The following DOCK7 variants were observed in gnomAD, a reference collection of about 807,000 sequenced individuals.
DOCK7 encodes dedicator of cytokinesis 7, also known as dedicator of cytokinesis protein 7.
A neutral mutation model predicts 271.0 loss-of-function variants in DOCK7; 138 were observed. The ratio of observed to expected loss-of-function variants is 0.51; its 90% CI spans 0.44 to 0.59. DOCK7 has a LOEUF of 0.59. Among genes scored for constraint, DOCK7 ranks in the 20% least tolerant of loss-of-function variants. DOCK7 has a pLI of 0.00. For missense variants in DOCK7, 2,066 were observed against 2,592.4 expected (o/e 0.80, Z 4.41); for synonymous variants, 823 against 876.1 (o/e 0.94, Z 1.07).
chr1:62,634,899 G>T lies in DOCK7; in HGVS notation c.909C>A (p.Asp303Glu). Residue 303 changes from aspartate (D) to glutamate (E), a missense_variant, in exon 9 of 50, where the codon GAC becomes GAA. Asp to Glu is a conservative substitution (Grantham distance 45). Coordinates refer to ENST00000635253, the MANE Select transcript of DOCK7 (RefSeq NM_001367561.1). Reference sequence around the variant, plus strand: ...ACCCTTTCATCTGCTCAGAATTAAGGTCAAAATAAAAGTTTTCTGAAATCT... The same window carrying T: ...ACCCTTTCATCTGCTCAGAATTAAGTTCAAAATAAAAGTTTTCTGAAATCT... ...KKKISENFYF[D>E]LNSEQMKGLL... The T allele has an allele frequency of 6.2e-7, 1 of 1,605,328 alleles. No individual in the cohort carries two copies. The highest frequency in any genetic ancestry group is 8.5e-7 in the Non-Finnish European group (1 of 1,175,124).
chr1:62,459,019 G>T (rs1316263415), intron 48 of DOCK7: 3 of 151,952 alleles, frequency 2.0e-5, no homozygotes, highest in Admixed American at 2.0e-4. Context: ...TATATTAGAA[G>T]GCTAAAACTG....
rs748406271 is a variant in DOCK7 at position 62,586,512 on chromosome 1, T to C, written c.1795A>G (p.Met599Val). ...AGTAAAAGAACATTTCTTACCGGCA[T>C]GGCATTGCTTGGATCCTCTCCATAC... ...FMYGEDPSNA[M>V]PVIFGKSSCS... is the part of the protein sequence containing the mutation. The change falls in exon 15 of 50, where the codon ATG (methionine) becomes GTG (valine). Residue 599 changes from methionine (M) to valine (V), a missense_variant. Met to Val is a conservative substitution (Grantham distance 21). Transcript: ENST00000635253. 1 of 1,593,736 alleles carries C rather than the reference T, an allele frequency of 6.3e-7. No homozygotes were observed. The highest frequency in any genetic ancestry group is 2.2e-5 in the East Asian group (1 of 44,674).
intron 43 of DOCK7, chr1:62,479,735 A>G: frequency 2.6e-6 from 1 of 386,314 alleles, no homozygotes. Flanking sequence ...CCAGACTGGA[A>G]TACAGTGGTG....
intron 1 of DOCK7, among the ~76,000 whole-genome samples, chr1:62,683,732 C>T (rs980244423): frequency 4.0e-5 from 6 of 151,892 alleles, no homozygotes; most frequent in Non-Finnish European, 7.4e-5. Flanking sequence ...CCCCGGAGTT[C>T]GAGACCAGCC....
At chr1:62,494,667 G>GC (rs1467723884) in intron 39 of DOCK7, 200 bp from the exon 40 acceptor site, 15 of 383,130 alleles carry the variant, frequency 3.9e-5, no homozygotes, top group Middle Eastern at 6.8e-4. Flanking sequence ...CAGTTGGTGG[G>GC]GGGGGCAGGA....
At chr1:62,465,470 A>C in intron 48 of DOCK7, among the ~76,000 whole-genome samples, 1 of 80,678 alleles carries the variant, frequency 1.2e-5, no homozygotes, top group Non-Finnish European at 2.4e-5. Flanking sequence ...AATCCAGTGT[A>C]AAGAACACTG....
At chr1:62,525,722 A>G (rs1644987136) in intron 31 of DOCK7, among the ~76,000 whole-genome samples, 1 of 152,106 alleles carries the variant, frequency 6.6e-6, no homozygotes, top group Non-Finnish European at 1.5e-5. Context: ...CATGCACTTT[A>G]TTGTATTATT....
At chr1:62,647,436 G>T (rs997096710) in intron 7 of DOCK7, among the ~76,000 whole-genome samples, 1 of 152,160 alleles carries the variant, frequency 6.6e-6, no homozygotes, top group African/African-American at 2.4e-5. Flanking sequence ...CACTTAAAAT[G>T]ATATACAGAA....
At position 62,636,434 on chromosome 1, in the gene DOCK7, T is replaced by C. The variant is rs1473882527; in HGVS notation, c.885+103A>G. 2 of 816,450 alleles carry C rather than the reference T, an allele frequency of 2.4e-6. 1 individual carries two copies. The highest frequency in any genetic ancestry group is 3.6e-5 in the South Asian group (2 of 54,868). 50.6% of individuals were successfully genotyped at this position (816,450 alleles called of 1,614,324 possible). On this transcript the variant is annotated intron_variant, in intron 8 of 49. Transcript: ENST00000635253. ...AATTTCTATTTCCTTTTTAAAAAGATCTATGTTTAACAGTTCTCAAAAAAA... is the reference window on the plus strand; with the variant it reads ...AATTTCTATTTCCTTTTTAAAAAGACCTATGTTTAACAGTTCTCAAAAAAA...
At chr1:62,539,988 AT>A in intron 25 of DOCK7, 96 bp from the exon 26 acceptor site, 1 of 750,822 alleles carries the variant, frequency 1.3e-6, no homozygotes, top group Non-Finnish European at 2.0e-6. Flanking sequence ...ATGGCATGTA[AT>A]TTAATAGATG....
chr1:62,479,276 CA>C (rs35913674), intron 43 of DOCK7, among the ~76,000 whole-genome samples: 88,095 of 150,882 alleles, frequency 0.58, 27,316 homozygotes, highest in East Asian at 0.76. Context: ...TTTATAATAC[CA>C]AAAAAAAAGG....
chr1:62,477,340 T>C (rs571983592), intron 44 of DOCK7, among the ~76,000 whole-genome samples: 1 of 152,302 alleles, frequency 6.6e-6, no homozygotes, highest in Non-Finnish European at 1.5e-5. Context: ...GGGTCAGAAA[T>C]TTCTTAGGGT....
chr1:62,622,328 C>T (rs1653358902), intron 12 of DOCK7, among the ~76,000 whole-genome samples: 1 of 151,966 alleles, frequency 6.6e-6, no homozygotes. Flanking sequence ...CTGTCCTGTA[C>T]CACTGAAAAA....
At chr1:62,596,576 A>G (rs1649280620) in intron 14 of DOCK7, among the ~76,000 whole-genome samples, 1 of 152,156 alleles carries the variant, frequency 6.6e-6, no homozygotes, top group Admixed American at 6.5e-5. Flanking sequence ...TGGGAGGCCA[A>G]GGTAAAAGAA....
At chr1:62,643,299 G>GT (rs1656262156) in intron 7 of DOCK7, among the ~76,000 whole-genome samples, 1 of 152,224 alleles carries the variant, frequency 6.6e-6, no homozygotes, top group East Asian at 1.9e-4. Flanking sequence ...CTGAACATTT[G>GT]TTTTTTTAAA....
At chr1:62,543,570 C>A in intron 24 of DOCK7, 86 bp downstream of exon 24, 1 of 988,212 alleles carries the variant, frequency 1.0e-6, no homozygotes, top group Non-Finnish European at 1.5e-6. Flanking sequence ...GTAAGTATCT[C>A]ATACTGGTTA....
At chr1:62,610,856 C>T (rs1197069836) in intron 14 of DOCK7, among the ~76,000 whole-genome samples, 1 of 152,146 alleles carries the variant, frequency 6.6e-6, no homozygotes, top group African/African-American at 2.4e-5. Context: ...TTCATCCAGT[C>T]TATCATTGAT....
At chr1:62,608,861 T>C (rs948070569) in intron 14 of DOCK7, 8 of 67,674 alleles carry the variant, frequency 1.2e-4, no homozygotes, top group Non-Finnish European at 2.3e-4. Flanking sequence ...ACTAACTCAT[T>C]CATTAATTTT....
chr1:62,684,402 T>C (rs923987197), intron 1 of DOCK7, among the ~76,000 whole-genome samples: 3 of 152,308 alleles, frequency 2.0e-5, no homozygotes, highest in Non-Finnish European at 4.4e-5. Context: ...TACTAATGCA[T>C]TATTAGAACT....
Sources: allele counts gnomAD v4.1 joint callset (sites outside exome capture counted in the v4.1 genomes callset), GRCh38; gene constraint gnomAD v4.1.1; transcripts MANE v1.5; gene names NCBI Gene and HGNC (gene_info 2026-07-23, HGNC 2026-07-21).